The following GOLIM4 variants were observed in gnomAD, a reference collection of about 807,000 sequenced individuals.
The protein encoded by GOLIM4 is golgi integral membrane protein 4, also known as 130 kDa golgi-localized phosphoprotein.
In GOLIM4, 71 loss-of-function variants were observed where a neutral mutation model predicts 107.4. The observed-to-expected ratio is 0.66, with a 90% CI of 0.55 to 0.81. GOLIM4 has a LOEUF of 0.81. GOLIM4 is among the 30% of genes least tolerant of loss of function. The pLI, the probability that GOLIM4 is intolerant of heterozygous loss-of-function variation, is 0.00. For synonymous variants in GOLIM4, 327 were observed against 294.8 expected (o/e 1.11, Z -1.12); for missense variants, 830 against 826.1 (o/e 1.00, Z -0.06).
intron 8 of GOLIM4, among the ~76,000 whole-genome samples, 197 bp from the exon 9 acceptor site, chr3:168,033,049 A>C (rs377388047): frequency 1.3e-5 from 2 of 152,216 alleles, no homozygotes; most frequent in South Asian, 4.1e-4. Context: ...AATAGACATA[A>C]TATAAGCAAA....
chr3:168,015,273 G>A (rs1717298179), intron 14 of GOLIM4, among the ~76,000 whole-genome samples: 1 of 142,646 alleles, frequency 7.0e-6, no homozygotes, highest in African/African-American at 2.9e-5. Context: ...CAAATCATGA[G>A]TGAACTCCCA....
At chr3:168,059,718 T>C (rs576193767) in intron 1 of GOLIM4, among the ~76,000 whole-genome samples, 1 of 151,702 alleles carries the variant, frequency 6.6e-6, no homozygotes, top group South Asian at 2.1e-4. Context: ...AGAAGTAGAG[T>C]AAAAGAGATC....
intron 7 of GOLIM4, among the ~76,000 whole-genome samples, chr3:168,039,090 C>T (rs1435006528): frequency 6.6e-6 from 1 of 151,952 alleles, no homozygotes; most frequent in Non-Finnish European, 1.5e-5. Flanking sequence ...TATAAGACAC[C>T]CAGTCTAGGG....
At position 168,010,788 on chromosome 3, in the gene GOLIM4, T is replaced by C. The variant is rs746316427; in HGVS notation, c.1896A>G (p.Glu632=). 2.5e-6 allele frequency: 4 copies of C among 1,612,176 alleles called. No homozygotes were observed. The African/African-American group carries it at 4.0e-5, about 16-fold the overall frequency. ...AGGTCTCTTCAGCATTATGCTCCAG[T>C]TCCCTTTTTTTCTCTTCAGTCAAAT... ...QEDLTEEKKR[E]LEHNAEETYG... The change falls in exon 15 of 16, where the codon GAA becomes GAG. Residue 632 remains glutamate (E), a synonymous_variant. Transcript: ENST00000470487.
At chr3:168,088,518 A>G (rs752287391) in intron 1 of GOLIM4, among the ~76,000 whole-genome samples, 25 of 152,158 alleles carry the variant, frequency 1.6e-4, no homozygotes, top group Non-Finnish European at 7.3e-5. Context: ...AAGTTCAGAG[A>G]GGTTATTTGC....
intron 1 of GOLIM4, among the ~76,000 whole-genome samples, chr3:168,054,326 C>T (rs1719818064): frequency 6.6e-6 from 1 of 152,200 alleles, no homozygotes; most frequent in Non-Finnish European, 1.5e-5. Context: ...CCCCATCGTT[C>T]ATCCTGCCCG....
intron 14 of GOLIM4, among the ~76,000 whole-genome samples, chr3:168,018,217 A>G (rs1217777437): frequency 6.6e-6 from 1 of 152,162 alleles, no homozygotes; most frequent in Non-Finnish European, 1.5e-5. Context: ...AGTGGAGGAG[A>G]CTGTGGAAAA....
chr3:168,039,234 A>G (rs1718834691), intron 7 of GOLIM4, among the ~76,000 whole-genome samples: 1 of 151,744 alleles, frequency 6.6e-6, no homozygotes, highest in Non-Finnish European at 1.5e-5. Context: ...AATAAATAGA[A>G]AATTATAACT....
At chr3:168,031,499 C>T (rs1466791338) in intron 9 of GOLIM4, among the ~76,000 whole-genome samples, 1 of 152,028 alleles carries the variant, frequency 6.6e-6, no homozygotes, top group Non-Finnish European at 1.5e-5. Context: ...GTGTCTGTAC[C>T]CCATTGAGCT....
At chr3:168,074,018 A>G (rs1720954996) in intron 1 of GOLIM4, among the ~76,000 whole-genome samples, 1 of 152,138 alleles carries the variant, frequency 6.6e-6, no homozygotes, top group African/African-American at 2.4e-5. Flanking sequence ...TGTGGCTTCC[A>G]TGTTGGGCTC....
intron 1 of GOLIM4, among the ~76,000 whole-genome samples, chr3:168,050,484 T>TG (rs1719556178): frequency 1.3e-5 from 2 of 151,896 alleles, no homozygotes; most frequent in South Asian, 4.2e-4. Flanking sequence ...TTCACTGAGG[T>TG]GGGGGAAACA....
chr3:168,029,270 T>C lies in GOLIM4; in HGVS notation c.1466A>G (p.Asp489Gly). Residue 489 changes from aspartate to glycine, a missense_variant, in exon 11 of 16, where the codon GAT becomes GGT. Transcript: ENST00000470487. Reference sequence around the variant, plus strand: ...CTGGTCCTCTGCTCCCTGAACGATATCATTATCCATAGCATCATAATGAGC... The same window carrying C: ...CTGGTCCTCTGCTCCCTGAACGATACCATTATCCATAGCATCATAATGAGC... ...QQAHYDAMDN[D>G]IVQGAEDQGI... 6.2e-7 allele frequency: 1 copy of C among 1,610,180 alleles called. No individual in the cohort carries two copies.
rs1465290250 is a variant in GOLIM4, at chr3:168,029,934, G to A, written c.1279C>T (p.Leu427=). 1.2e-6 allele frequency: 2 copies of A among 1,614,062 alleles called. No homozygotes were observed. The highest frequency in any genetic ancestry group is 2.7e-5 in the African/African-American group (2 of 74,916). Residue 427 remains leucine (L), a synonymous_variant, in exon 10 of 16, where the codon CTG becomes TTG. Coordinates refer to ENST00000470487, the MANE Select transcript of GOLIM4 (RefSeq NM_014498.5). ...AVQQVEEAQQ[L]REHQEALHQQ... Reference sequence around the variant, plus strand: ...TGCAAAGCTTCCTGGTGTTCCCGCAGCTGCTGGGCCTCCTCCACCTGCTGC... The same window carrying A: ...TGCAAAGCTTCCTGGTGTTCCCGCAACTGCTGGGCCTCCTCCACCTGCTGC...
At chr3:168,093,251 C>A (rs1721997822) in intron 1 of GOLIM4, among the ~76,000 whole-genome samples, 1 of 152,200 alleles carries the variant, frequency 6.6e-6, no homozygotes, top group South Asian at 2.1e-4. Flanking sequence ...AAAATATTTT[C>A]TTGTTTTATT....
In GOLIM4 at chr3:168,008,915, C is replaced by T. The variant is rs569407607; in HGVS notation, c.*1354G>A. ...TACAACTGAACAAAACATTCCTATG[C>T]GTACATACACAATCACTCAACTGGA... On this transcript the variant is annotated 3_prime_UTR_variant, in exon 16 of 16. Transcript: ENST00000470487. 56 of 151,382 alleles carry T rather than the reference C, an allele frequency of 3.7e-4. No homozygotes were observed. The highest frequency in any genetic ancestry group is 1.2e-3 in the South Asian group (6 of 4,804). The allele number at this position is 151,382 out of a possible 1,614,324, so 9.4% of individuals were successfully genotyped here. A position where few individuals can be genotyped will look rare whatever the true frequency, so the allele number is the denominator to read the frequency against.
rs568518637 is a variant in GOLIM4, at chr3:168,065,099, AT to A, written c.188-16735del. Among the ~76,000 whole-genome samples the A allele has an allele frequency of 6.6e-5, 10 of 152,322 alleles. No individual in the cohort carries two copies. In the South Asian group the frequency reaches 1.7e-3, roughly 25 times the overall value. On this transcript the variant is annotated intron_variant, in intron 1 of 15. Coordinates refer to ENST00000470487, the MANE Select transcript of GOLIM4 (RefSeq NM_014498.5). ...CCTCCTGGCTGCCTGACACTAACAA[AT>A]TCACTGTTCACAACTAAGAAACTTC...
At chr3:168,061,158 TG>T (rs951689735) in intron 1 of GOLIM4, among the ~76,000 whole-genome samples, 6 of 143,670 alleles carry the variant, frequency 4.2e-5, no homozygotes, top group Non-Finnish European at 7.5e-5. Flanking sequence ...AAAAAAAAAA[TG>T]GGGCAAAGAA....
intron 14 of GOLIM4, 123 bp from the exon 15 acceptor site, chr3:168,010,946 T>G: frequency 1.4e-6 from 1 of 734,864 alleles, no homozygotes; most frequent in Non-Finnish European, 2.4e-6. Flanking sequence ...AAAAGTTCAC[T>G]CAAAATAGCA....
At position 168,010,064 on chromosome 3, in the gene GOLIM4, T is replaced by G; in HGVS notation, c.*205A>C. The G allele has an allele frequency of 2.4e-6, 1 of 408,752 alleles. No homozygotes were observed. Among genetic ancestry groups the G allele is most frequent in the Non-Finnish European group, 4.3e-6 (1 of 235,006 alleles). The allele number at this position is 408,752 out of a possible 1,614,324, so 25.3% of individuals were successfully genotyped here. ...TTATTGTTTTTCTTCTTTTTCATGT[T>G]TAGCTTGAATATAAAAGAAGCTCTA... On this transcript the variant is annotated 3_prime_UTR_variant, in exon 16 of 16. Coordinates refer to ENST00000470487, the MANE Select transcript of GOLIM4 (RefSeq NM_014498.5).
Sources: allele counts gnomAD v4.1 joint callset (sites outside exome capture counted in the v4.1 genomes callset), GRCh38; gene constraint gnomAD v4.1.1; transcripts MANE v1.5; gene names NCBI Gene and HGNC (gene_info 2026-07-23, HGNC 2026-07-21).